Variants in KIAA1549 observed in about 807,000 individuals in gnomAD.
KIAA1549 encodes KIAA1549, also known as UPF0606 protein KIAA1549.
Under a neutral mutation model 156.4 loss-of-function variants are expected in KIAA1549, and 70 were observed. That is an observed-to-expected ratio of 0.45 (90% confidence interval 0.37 to 0.55). The LOEUF (loss-of-function observed/expected upper bound fraction) is 0.55. Ranked by LOEUF, KIAA1549 falls within the 20% of genes least tolerant of loss-of-function variation. The probability of loss-of-function intolerance (pLI) is 0.00; values close to 1 mark genes in which losing one functional copy is unlikely to be tolerated. For missense variants in KIAA1549, 2,428 were observed against 2,540.9 expected (o/e 0.96, Z 0.96); for synonymous variants, 1,103 against 1,066.4 (o/e 1.03, Z -0.67).
At chr7:138,903,513 A>G (rs1811900981) in intron 8 of KIAA1549, 75 bp downstream of exon 8, 13 of 1,432,968 alleles carry the variant, frequency 9.1e-6, no homozygotes, top group Non-Finnish European at 1.1e-5. Flanking sequence ...AGGGTTTTAG[A>G]TGGAGTGTGC....
intron 18 of KIAA1549, among the ~76,000 whole-genome samples, chr7:138,842,488 A>G (rs1028974040): frequency 3.1e-4 from 47 of 152,312 alleles, no homozygotes; most frequent in African/African-American, 1.1e-3. Flanking sequence ...GGAGTTCACG[A>G]CCAGCCTAGC....
intron 4 of KIAA1549, among the ~76,000 whole-genome samples, chr7:138,910,059 T>C (rs2130463694): frequency 6.6e-6 from 1 of 152,280 alleles, no homozygotes; most frequent in Non-Finnish European, 1.5e-5. Flanking sequence ...ATACGATGCC[T>C]GAGATTTACT....
At chr7:138,875,512 G>C (rs1410831450) in intron 12 of KIAA1549, among the ~76,000 whole-genome samples, 1 of 152,064 alleles carries the variant, frequency 6.6e-6, no homozygotes, top group Non-Finnish European at 1.5e-5. Flanking sequence ...GCTGGGCGTG[G>C]TATGCTCCTG....
chr7:138,850,050 A>C, intron 17 of KIAA1549, among the ~76,000 whole-genome samples: 1 of 152,166 alleles, frequency 6.6e-6, no homozygotes, highest in East Asian at 1.9e-4. Flanking sequence ...TTCACAGCCG[A>C]ACAATTTATA....
chr7:138,878,906 CA>C lies in KIAA1549; in HGVS notation c.4345+631del, dbSNP rs561622569. The stretch of plus-strand genomic sequence containing the variant: ...TTAATACAACCTGTTACACTAAAAA[CA>C]AGCTACCTTGCTATCACTCCAAAAA... On this transcript the variant is annotated intron_variant, in intron 12 of 19. Coordinates refer to ENST00000422774, the MANE Select transcript of KIAA1549 (RefSeq NM_001164665.2). Among the ~76,000 whole-genome samples, 47 of 152,218 alleles carry C rather than the reference CA, an allele frequency of 3.1e-4. 2 individuals carry two copies. The South Asian group carries it at 7.5e-3, about 24-fold the overall frequency.
At chr7:138,955,314 G>A (rs1813629240) in intron 1 of KIAA1549, among the ~76,000 whole-genome samples, 1 of 152,198 alleles carries the variant, frequency 6.6e-6, no homozygotes, top group Admixed American at 6.5e-5. Context: ...CCTCAAAAAG[G>A]AAGGAAATTC....
chr7:138,935,163 T>A (rs899799217), intron 1 of KIAA1549, among the ~76,000 whole-genome samples: 2 of 152,100 alleles, frequency 1.3e-5, no homozygotes, highest in Non-Finnish European at 2.9e-5. Context: ...AACCAAACAA[T>A]ACTGAAATAC....
At chr7:138,864,818 C>T (rs1039446607) in intron 15 of KIAA1549, among the ~76,000 whole-genome samples, 4 of 152,206 alleles carry the variant, frequency 2.6e-5, no homozygotes, top group African/African-American at 9.6e-5. Context: ...AAGGGCCAGA[C>T]AGTAAAGACT....
chr7:138,849,935 G>A (rs1306981648), intron 17 of KIAA1549, among the ~76,000 whole-genome samples: 5 of 152,072 alleles, frequency 3.3e-5, no homozygotes, highest in Middle Eastern at 3.4e-3. Flanking sequence ...TTGTGTATGC[G>A]TACCACTTTT....
At position 138,955,933 on chromosome 7, in the gene KIAA1549, AC is replaced by A. The variant is rs1813650735; in HGVS notation, c.187+25149del. The stretch of plus-strand genomic sequence containing the variant: ...TTTGAGACGGAGTCTTGCTTCTGTC[AC>A]CCAGGCTGGAGTGCAGTGGTGCGAT... On this transcript the variant is annotated intron_variant, in intron 1 of 19. Coordinates refer to ENST00000422774, the MANE Select transcript of KIAA1549 (RefSeq NM_001164665.2). Among the ~76,000 whole-genome samples the A allele has an allele frequency of 4.6e-5, 7 of 152,178 alleles. No individual in the cohort carries two copies. The South Asian group carries it at 1.5e-3, about 32-fold the overall frequency.
chr7:138,870,226 C>T (rs1810887014), intron 13 of KIAA1549, among the ~76,000 whole-genome samples: 1 of 151,922 alleles, frequency 6.6e-6, no homozygotes, highest in African/African-American at 2.4e-5. Flanking sequence ...TCTGTAAGCT[C>T]CACGGAGTCA....
chr7:138,902,672 G>A (rs187087932), intron 8 of KIAA1549, among the ~76,000 whole-genome samples: 334 of 152,240 alleles, frequency 2.2e-3, no homozygotes, highest in Admixed American at 5.3e-3. Flanking sequence ...AGGTGTCTCC[G>A]GTGGCGGGTA....
chr7:138,880,478 T>C (rs1811209980), intron 11 of KIAA1549, among the ~76,000 whole-genome samples: 1 of 152,224 alleles, frequency 6.6e-6, no homozygotes, highest in Non-Finnish European at 1.5e-5. Context: ...ATTACACTCT[T>C]ATAACTAGGC....
Position 138,845,889 on chromosome 7 carries a change from C to A in KIAA1549, c.5295-1415G>T, listed in dbSNP as rs1357743100. 2.0e-5 allele frequency among the ~76,000 whole-genome samples: 3 copies of A among 152,272 alleles called. No individual in the cohort carries two copies. The East Asian group carries it at 5.8e-4, about 29-fold the overall frequency. ...TCATTCATTTTCAAGACAGTGTCTG[C>A]CAAACACCCGAGTCTGAATAACCAC... On this transcript the variant is annotated intron_variant, in intron 17 of 19. Coordinates refer to ENST00000422774, the MANE Select transcript of KIAA1549 (RefSeq NM_001164665.2).
intron 1 of KIAA1549, among the ~76,000 whole-genome samples, chr7:138,950,832 T>G (rs1563090751): frequency 6.6e-6 from 1 of 152,116 alleles, no homozygotes; most frequent in Admixed American, 6.5e-5. Flanking sequence ...TCTACCCTGC[T>G]GAGGTTATCA....
At chr7:138,911,854 C>T (rs961933012) in intron 3 of KIAA1549, among the ~76,000 whole-genome samples, 1 of 152,196 alleles carries the variant, frequency 6.6e-6, no homozygotes, top group Non-Finnish European at 1.5e-5. Flanking sequence ...TCCGTTTGGA[C>T]GAGCCCCATT....
Position 138,918,652 on chromosome 7 carries a change from A to AC in KIAA1549, c.973dup (p.Val325GlyfsTer52), listed in dbSNP as rs1408581129. The AC allele has an allele frequency of 6.2e-7, 1 of 1,613,848 alleles. No homozygotes were observed. On this transcript the variant is annotated frameshift_variant, in exon 2 of 20. Transcript: ENST00000422774. LOFTEE classifies it high-confidence loss of function. The surrounding 1 kb of genome is among the most constrained non-coding windows in gnomAD (Gnocchi z 4.2). Reference sequence around the variant, plus strand: ...TAGGCTTTGACTCAACACAGTGGTCACATCAGTGTATCTGTCTGCACTTGT... The same window carrying AC: ...TAGGCTTTGACTCAACACAGTGGTCACCATCAGTGTATCTGTCTGCACTTGT...
chr7:138,894,318 C>T, intron 10 of KIAA1549, 24 bp downstream of exon 10: 1 of 1,612,694 alleles, frequency 6.2e-7, no homozygotes, highest in Non-Finnish European at 8.5e-7. Flanking sequence ...TATAGGAACA[C>T]TGGGGGAAGA....
At chr7:138,887,348 T>G (rs1188388145) in intron 10 of KIAA1549, among the ~76,000 whole-genome samples, 5 of 152,244 alleles carry the variant, frequency 3.3e-5, no homozygotes. Flanking sequence ...TAAAACGTAT[T>G]TAAATAAAAT....
Sources: allele counts gnomAD v4.1 joint callset (sites outside exome capture counted in the v4.1 genomes callset), GRCh38; gene constraint gnomAD v4.1.1; non-coding constraint Gnocchi (gnomAD v3.1); transcripts MANE v1.5; gene names NCBI Gene and HGNC (gene_info 2026-07-23, HGNC 2026-07-21).